Variants in NAV2 observed in about 807,000 individuals in gnomAD.
NAV2 encodes neuron navigator 2.
In NAV2, 54 loss-of-function variants were observed where a neutral mutation model predicts 223.2. The ratio of observed to expected loss-of-function variants is 0.24; its 90% CI spans 0.19 to 0.30. NAV2 has a LOEUF of 0.30. Among genes scored for constraint, NAV2 ranks in the 10% least tolerant of loss-of-function variants. The pLI, the probability that NAV2 is intolerant of heterozygous loss-of-function variation, is 1.00. For missense variants in NAV2, 2,806 were observed against 3,147.5 expected, an observed-to-expected ratio of 0.89 and a Z score of 2.60; for synonymous variants, 1,279 against 1,239.3, an observed-to-expected ratio of 1.03 and a Z score of -0.67.
At chr11:19,792,154 G>C (rs1474626277) in intron 1 of NAV2, among the ~76,000 whole-genome samples, 1 of 152,192 alleles carries the variant, frequency 6.6e-6, no homozygotes, top group Admixed American at 6.5e-5. Flanking sequence ...AGACTGACAG[G>C]AGATCCTCTT....
chr11:19,625,360 C>T (rs2135448071), intron 1 of NAV2, among the ~76,000 whole-genome samples: 1 of 152,300 alleles, frequency 6.6e-6, no homozygotes, highest in Admixed American at 6.5e-5. Context: ...CCAGTTCCAT[C>T]CATGTTGCTA....
chr11:19,962,798 G>T (rs1042626528), intron 10 of NAV2, among the ~76,000 whole-genome samples: 10 of 152,176 alleles, frequency 6.6e-5, no homozygotes, highest in Non-Finnish European at 1.2e-4. Flanking sequence ...GAGGCCCCAA[G>T]TTTGTCTCCA....
At chr11:19,640,863 G>T (rs937790666) in intron 1 of NAV2, among the ~76,000 whole-genome samples, 7 of 152,196 alleles carry the variant, frequency 4.6e-5, no homozygotes, top group African/African-American at 1.7e-4. Flanking sequence ...TGGCACTGAT[G>T]TCAAGCTAGG....
intron 1 of NAV2, among the ~76,000 whole-genome samples, chr11:19,745,398 A>G (rs991481459): frequency 4.6e-5 from 7 of 152,138 alleles, no homozygotes; most frequent in Non-Finnish European, 8.8e-5. Context: ...CCCTAAAACT[A>G]TCTTGGCTCC....
At chr11:19,376,444 G>A (rs1051156422) in intron 1 of NAV2, among the ~76,000 whole-genome samples, 2 of 152,212 alleles carry the variant, frequency 1.3e-5, no homozygotes, top group Non-Finnish European at 2.9e-5. Flanking sequence ...CAGAGGAGGA[G>A]ACGAGGGCAC....
chr11:19,548,504 T>C lies in NAV2; in HGVS notation c.75+197477T>C, dbSNP rs12292409. On this transcript the variant is annotated intron_variant, in intron 1 of 37. Coordinates refer to the NAV2 transcript ENST00000360655. ...TGGAAAGGGGGGAGTTTATGAACCA[T>C]GTGATCCAGCCCACAACCAAAGCGT... 8.2e-3 allele frequency among the ~76,000 whole-genome samples: 1,242 copies of C among 152,208 alleles called. 18 individuals carry two copies. The highest frequency in any genetic ancestry group is 0.028 in the African/African-American group (1,163 of 41,512).
intron 1 of NAV2, among the ~76,000 whole-genome samples, chr11:19,819,246 G>A (rs2059256671): frequency 6.6e-6 from 1 of 152,178 alleles, no homozygotes; most frequent in Admixed American, 6.5e-5. Context: ...TGCTTTCAGA[G>A]GTGAGAAGAA....
At chr11:19,929,900 G>C (rs1040427815) in intron 6 of NAV2, among the ~76,000 whole-genome samples, 1 of 152,158 alleles carries the variant, frequency 6.6e-6, no homozygotes, top group Non-Finnish European at 1.5e-5. Flanking sequence ...GGTAACACAA[G>C]GATCACTTCC....
At chr11:19,528,928 CAAAAAAAAAAA>C (rs528321807) in intron 1 of NAV2, among the ~76,000 whole-genome samples, 1 of 82,346 alleles carries the variant, frequency 1.2e-5, no homozygotes, top group Admixed American at 1.4e-4. Context: ...GACTCCATCT[CAAAAAAAAAAA>C]AAAAAAAAAA....
chr11:19,402,059 T>A (rs976255674), intron 1 of NAV2: 5 of 152,126 alleles, frequency 3.3e-5, no homozygotes, highest in Admixed American at 6.5e-5. Flanking sequence ...TCTGATCTAG[T>A]CCAGTAGTCT....
intron 18 of NAV2, 54 bp downstream of exon 18, chr11:20,054,294 A>G: frequency 6.7e-7 from 1 of 1,496,522 alleles, no homozygotes; most frequent in Non-Finnish European, 9.0e-7. Flanking sequence ...GGCAGTGGTT[A>G]TCTTATATAC....
At chr11:20,010,932 C>A (rs2153509017) in intron 11 of NAV2, among the ~76,000 whole-genome samples, 1 of 152,318 alleles carries the variant, frequency 6.6e-6, no homozygotes, top group Non-Finnish European at 1.5e-5. Context: ...TGAATAGTGA[C>A]TGTAATACCC....
intron 19 of NAV2, among the ~76,000 whole-genome samples, chr11:20,061,926 G>A (rs1028984300): frequency 6.6e-6 from 1 of 152,218 alleles, no homozygotes; most frequent in Non-Finnish European, 1.5e-5. Context: ...AAAGAGTGAA[G>A]CGAAATATGC....
chr11:20,103,817 G>A (rs182160579), intron 34 of NAV2, 93 bp downstream of exon 34: 9 of 1,099,082 alleles, frequency 8.2e-6, no homozygotes, highest in Admixed American at 5.1e-5. Context: ...TTGAGTATGT[G>A]TTGTATGCTA....
intron 26 of NAV2, among the ~76,000 whole-genome samples, chr11:20,086,796 A>G (rs2060473744): frequency 6.6e-6 from 1 of 151,952 alleles, no homozygotes; most frequent in South Asian, 2.1e-4. Context: ...ATATTCCTAG[A>G]TTTACAACTT....
chr11:19,493,706 T>C (rs1385454712), intron 1 of NAV2, among the ~76,000 whole-genome samples: 1 of 152,074 alleles, frequency 6.6e-6, no homozygotes, highest in Admixed American at 6.5e-5. Flanking sequence ...GAGACAGATA[T>C]CCCTTTAGAG....
chr11:19,843,003 A>T, intron 3 of NAV2, 80 bp downstream of exon 3: 1 of 1,187,998 alleles, frequency 8.4e-7, no homozygotes, highest in East Asian at 2.3e-5. Flanking sequence ...TCTTGAAAAC[A>T]TTCATACCAG....
In NAV2 at chr11:20,083,131, G is replaced by T. The variant is rs751763176; in HGVS notation, c.5450G>T (p.Gly1817Val). The T allele has an allele frequency of 1.2e-6, 2 of 1,613,922 alleles. No individual in the cohort carries two copies. The highest frequency in any genetic ancestry group is 2.7e-5 in the African/African-American group (2 of 74,984). Residue 1817 changes from glycine (G) to valine (V), a missense_variant, in exon 26 of 38, where the codon GGG (glycine) becomes GTG (valine). Gly to Val is a moderately radical substitution (Grantham distance 109, BLOSUM62 -3). Transcript: ENST00000349880. ...LPSSPKLPHN[G>V]STGSTPLLRN... is the part of the protein sequence containing the mutation. ...TCCTCACCAAAGTTACCGCACAATG[G>T]GTCCACAGGTTCCACCCCACTGCTG...
intron 1 of NAV2, among the ~76,000 whole-genome samples, chr11:19,665,660 A>G (rs1406631102): frequency 6.6e-6 from 1 of 152,212 alleles, no homozygotes; most frequent in Non-Finnish European, 1.5e-5. Context: ...CAAAATAGAC[A>G]TTTGAGGACA....
Sources: allele counts gnomAD v4.1 joint callset (sites outside exome capture counted in the v4.1 genomes callset), GRCh38; gene constraint gnomAD v4.1.1; transcripts MANE v1.5; gene names NCBI Gene and HGNC (gene_info 2026-07-23, HGNC 2026-07-21).